The following AOX1 variants were observed in gnomAD, a reference collection of about 807,000 sequenced individuals.
The protein encoded by AOX1 is aldehyde oxidase.
A neutral mutation model predicts 169.5 loss-of-function variants in AOX1; 153 were observed. The ratio of observed to expected loss-of-function variants is 0.90; its 90% confidence interval spans 0.79 to 1.03. The LOEUF (loss-of-function observed/expected upper bound fraction) is 1.03. AOX1 is among the 50% of genes least tolerant of loss of function. AOX1 has a pLI of 0.00. For missense variants in AOX1, 1,656 were observed against 1,663.9 expected, an observed-to-expected ratio of 1.00 and a Z score of 0.08; for synonymous variants, 562 against 581.9, an observed-to-expected ratio of 0.97 and a Z score of 0.49.
At chr2:200,631,773 G>C (rs2035129777) in intron 20 of AOX1, among the ~76,000 whole-genome samples, 1 of 152,144 alleles carries the variant, frequency 6.6e-6, no homozygotes, top group Non-Finnish European at 1.5e-5. Context: ...TTTAAATAAA[G>C]TGACTACTTA....
chr2:200,643,398 CAT>C (rs1553575177), intron 25 of AOX1, among the ~76,000 whole-genome samples: 31 of 148,816 alleles, frequency 2.1e-4, no homozygotes, highest in Middle Eastern at 3.4e-3. Flanking sequence ...CACACACACA[CAT>C]ATATATATAT....
chr2:200,642,808 C>T lies in AOX1; in HGVS notation c.2847+7C>T, dbSNP rs777739382. 3 of 1,606,924 alleles carry T rather than the reference C, an allele frequency of 1.9e-6. No individual in the cohort carries two copies. Among genetic ancestry groups the T allele is most frequent in the Non-Finnish European group, 2.6e-6 (3 of 1,175,544 alleles). Reference sequence around the variant, plus strand: ...TGGACTATCCCCTGAGAAGGTAATACTAAATCAGCTTCACAGACAAAACAT... The same window carrying T: ...TGGACTATCCCCTGAGAAGGTAATATTAAATCAGCTTCACAGACAAAACAT... On this transcript the variant is annotated splice_region_variant and intron_variant, in intron 25 of 34. Coordinates refer to ENST00000374700, the MANE Select transcript of AOX1 (RefSeq NM_001159.4).
intron 16 of AOX1, among the ~76,000 whole-genome samples, chr2:200,620,198 A>AGTTTTTTTTTTTTTTTTTTTTTTTTT (rs370920216): frequency 8.3e-6 from 1 of 120,912 alleles, no homozygotes. Context: ...ATTAATAGTG[A>AGTTTTTTTTTTTTTTTTTTTTTTTTT]CTTTTTTTTT....
rs34887452 is a variant in AOX1 at position 200,620,199 on chromosome 2, CTTT to C, written c.1705-434_1705-432del. On this transcript the variant is annotated intron_variant, in intron 16 of 34. Transcript: ENST00000374700. ...ATTGTCTTGGTGTTATTAATAGTGA[CTTT>C]TTTTTTTTTTTTTTTTGATGGCGTC... Among the ~76,000 whole-genome samples the C allele has an allele frequency of 1.5e-3, 193 of 130,770 alleles. 1 individual carries two copies. Among genetic ancestry groups the C allele is most frequent in the South Asian group, 5.1e-3 (21 of 4,150 alleles). The allele number at this position is 130,770 out of a possible 152,430, so 85.8% of individuals were successfully genotyped here.
rs1275493649 is a variant in AOX1 at position 200,659,303 on chromosome 2, A to G, written c.3300+10A>G. 1.9e-6 allele frequency: 3 copies of G among 1,609,612 alleles called. No individual in the cohort carries two copies. The highest frequency in any genetic ancestry group is 1.7e-5 in the Admixed American group (1 of 59,272). ...CGGTTTGGCAGTAAAGGTAACAGTC[A>G]CTGCAGTGGCGTCCAAATCATTAAC... On this transcript the variant is annotated intron_variant, in intron 28 of 34. Transcript: ENST00000374700.
intron 1 of AOX1, among the ~76,000 whole-genome samples, chr2:200,590,324 C>G (rs913064056): frequency 6.6e-6 from 1 of 152,158 alleles, no homozygotes; most frequent in Non-Finnish European, 1.5e-5. Context: ...TACAGAGGGG[C>G]AGATTCCACC....
At chr2:200,658,861 A>G (rs1359550363) in intron 27 of AOX1, among the ~76,000 whole-genome samples, 1 of 152,212 alleles carries the variant, frequency 6.6e-6, no homozygotes, top group Non-Finnish European at 1.5e-5. Context: ...AAAGATGTCA[A>G]TATCATGATT....
intron 22 of AOX1, among the ~76,000 whole-genome samples, chr2:200,637,638 T>C (rs1370416758): frequency 6.6e-6 from 1 of 152,160 alleles, no homozygotes; most frequent in Non-Finnish European, 1.5e-5. Flanking sequence ...TGTGTGTATA[T>C]GTATATTTTC....
intron 27 of AOX1, among the ~76,000 whole-genome samples, chr2:200,657,181 TATATA>T (rs1265720875): frequency 9.9e-5 from 7 of 70,504 alleles, no homozygotes; most frequent in Non-Finnish European, 1.7e-4. Context: ...TATATATATA[TATATA>T]TATATTTTTT....
chr2:200,673,734 C>T (rs74827976), downstream of AOX1, among the ~76,000 whole-genome samples: 9,044 of 152,292 alleles, frequency 0.059, 384 homozygotes, highest in Admixed American at 0.11. Context: ...CTCAGCAGAA[C>T]ATGTCCCAAA....
chr2:200,651,750 G>C (rs537492747), intron 26 of AOX1, among the ~76,000 whole-genome samples: 1 of 152,088 alleles, frequency 6.6e-6, no homozygotes, highest in Non-Finnish European at 1.5e-5. Context: ...GGGGGGACTG[G>C]GAATCTGCTC....
Position 200,609,398 on chromosome 2 carries a change from C to T in AOX1, c.1137C>T (p.Leu379=). ...TCCTGGCTGTGGGTAACTGTACCCT[C>T]AACTTGCTATCAAAAGGTAAGTGAC... ...NPILAVGNCT[L]NLLSKEGKRQ... is the part of the protein sequence containing the mutation. Residue 379 remains leucine (L), a synonymous_variant, in exon 12 of 35, where the codon CTC becomes CTT. Transcript: ENST00000374700. 1.2e-6 allele frequency: 2 copies of T among 1,613,932 alleles called. No individual in the cohort carries two copies. Among genetic ancestry groups the T allele is most frequent in the South Asian group, 1.1e-5 (1 of 91,068 alleles).
At chr2:200,620,959 A>G (rs1455235872) in intron 17 of AOX1, 140 bp downstream of exon 17, 7 of 1,308,012 alleles carry the variant, frequency 5.4e-6, no homozygotes, top group Non-Finnish European at 6.3e-6. Flanking sequence ...CAGGATCGAA[A>G]TGTAGGATTT....
chr2:200,625,058 G>A (rs1292816418), intron 19 of AOX1, among the ~76,000 whole-genome samples: 2 of 152,028 alleles, frequency 1.3e-5, no homozygotes, highest in Non-Finnish European at 2.9e-5. Context: ...GTTTGTCTCT[G>A]GGAATTTTTC....
At chr2:200,617,041 T>C (rs544500840) in intron 16 of AOX1, among the ~76,000 whole-genome samples, 1 of 152,322 alleles carries the variant, frequency 6.6e-6, no homozygotes, top group South Asian at 2.1e-4. Flanking sequence ...CTTTGGCTTA[T>C]AAATACCCTA....
rs1321429981 is a variant in AOX1 at position 200,597,413 on chromosome 2, G to C, written c.217G>C (p.Ala73Pro). ...ATTCTGAAGGCATCACCCAGCCAAT[G>C]CCTGTCTGATTCCCATCTGTTCTCT... The part of the protein sequence containing the change: ...TKRIRHHPAN[A>P]CLIPICSLYG... Residue 73 changes from alanine (A) to proline (P), a missense_variant, in exon 4 of 35, where the codon GCC (alanine) becomes CCC (proline). By Grantham distance (27) the Ala-to-Pro change is conservative. Transcript: ENST00000374700. 6.2e-7 allele frequency: 1 copy of C among 1,608,144 alleles called. No individual in the cohort carries two copies. Among genetic ancestry groups the C allele is most frequent in the African/African-American group, 1.3e-5 (1 of 74,800 alleles).
At chr2:200,629,754 A>G (rs971657133) in intron 20 of AOX1, among the ~76,000 whole-genome samples, 4 of 152,168 alleles carry the variant, frequency 2.6e-5, no homozygotes, top group East Asian at 1.9e-4. Context: ...TCCTTGTTTC[A>G]TGTTTGTTTC....
chr2:200,658,643 G>T (rs1286084755), intron 27 of AOX1, among the ~76,000 whole-genome samples: 1 of 152,250 alleles, frequency 6.6e-6, no homozygotes, highest in Non-Finnish European at 1.5e-5. Context: ...AAAGCAGCCA[G>T]CTAAGTCCTT....
chr2:200,638,919 T>C (rs986105752), intron 23 of AOX1, among the ~76,000 whole-genome samples: 7 of 151,286 alleles, frequency 4.6e-5, no homozygotes, highest in African/African-American at 7.3e-5. Flanking sequence ...AATATAATCA[T>C]TGAGGGGGGA....
Sources: gnomAD v4.1 joint callset for allele counts (sites outside exome capture counted in the v4.1 genomes callset) on GRCh38, gnomAD v4.1.1 for gene constraint, MANE v1.5 for transcripts, NCBI Gene and HGNC (gene_info 2026-07-23, HGNC 2026-07-21) for gene names.